Variants in ARRB1 observed in about 807,000 individuals in gnomAD.
ARRB1 encodes arrestin beta 1.
ARRB1 carries 21 observed loss-of-function variants against 56.8 expected under a neutral mutation model. That is an observed-to-expected ratio of 0.37 (90% confidence interval 0.26 to 0.53). The LOEUF (loss-of-function observed/expected upper bound fraction) is 0.53. Among genes scored for constraint, ARRB1 ranks in the 20% least tolerant of loss-of-function variants. The probability of loss-of-function intolerance (pLI) is 0.88; values close to 1 mark genes in which losing one functional copy is unlikely to be tolerated. For synonymous variants in ARRB1, 210 were observed against 218.6 expected, an observed-to-expected ratio of 0.96 and a Z score of 0.35; for missense variants, 424 against 553.7, an observed-to-expected ratio of 0.77 and a Z score of 2.35.
At chr11:75,349,825 C>T (rs1254244701) in intron 1 of ARRB1, among the ~76,000 whole-genome samples, 1 of 152,246 alleles carries the variant, frequency 6.6e-6, no homozygotes, top group Non-Finnish European at 1.5e-5. Context: ...ACAGCATGAT[C>T]TTCTGCCGTC....
At chr11:75,292,435 C>G (rs1946633183) in intron 1 of ARRB1, among the ~76,000 whole-genome samples, 1 of 152,200 alleles carries the variant, frequency 6.6e-6, no homozygotes, top group Non-Finnish European at 1.5e-5. Context: ...GCCACCGCGT[C>G]CAGCTTCCTT....
chr11:75,274,417 G>C, intron 10 of ARRB1: 1 of 582,510 alleles, frequency 1.7e-6, no homozygotes, highest in Non-Finnish European at 3.0e-6. Flanking sequence ...TACATTCTAC[G>C]CACAAACAGG....
At chr11:75,342,859 G>A (rs1947712003) in intron 1 of ARRB1, among the ~76,000 whole-genome samples, 1 of 152,210 alleles carries the variant, frequency 6.6e-6, no homozygotes, top group African/African-American at 2.4e-5. Flanking sequence ...AGCTCTGGTT[G>A]TCAGAAAATA....
intron 4 of ARRB1, 74 bp downstream of exon 4, chr11:75,284,161 G>A: frequency 6.9e-7 from 1 of 1,448,092 alleles, no homozygotes; most frequent in Middle Eastern, 2.0e-4. Context: ...GATGGGCAGG[G>A]AGTTCCTATG....
At chr11:75,347,179 G>C (rs924700656) in intron 1 of ARRB1, among the ~76,000 whole-genome samples, 1 of 152,278 alleles carries the variant, frequency 6.6e-6, no homozygotes, top group Non-Finnish European at 1.5e-5. Context: ...GGAAGGAAGA[G>C]AGCAGTGGAG....
chr11:75,280,980 C>A, intron 7 of ARRB1, 95 bp downstream of exon 7: 4 of 1,412,658 alleles, frequency 2.8e-6, no homozygotes, highest in Non-Finnish European at 2.0e-6. Context: ...TCCTCACACA[C>A]TTCCAGGTAT....
intron 1 of ARRB1, among the ~76,000 whole-genome samples, chr11:75,320,184 G>A (rs1947324321): frequency 6.6e-6 from 1 of 152,194 alleles, no homozygotes; most frequent in Admixed American, 6.5e-5. Flanking sequence ...CACTGGTGAA[G>A]AGGGCATTAA....
chr11:75,292,172 CT>C (rs1421201457), intron 1 of ARRB1, among the ~76,000 whole-genome samples: 3 of 152,158 alleles, frequency 2.0e-5, no homozygotes. Context: ...TGGAGTCTCG[CT>C]CTGTTGCCCA....
intron 1 of ARRB1, among the ~76,000 whole-genome samples, chr11:75,320,364 C>T (rs577766742): frequency 1.3e-5 from 2 of 152,342 alleles, no homozygotes; most frequent in African/African-American, 4.8e-5. Context: ...AAGAGCCAGA[C>T]ATGCAAACTC....
chr11:75,351,070 G>C (rs1305139720), intron 1 of ARRB1, among the ~76,000 whole-genome samples: 1 of 152,210 alleles, frequency 6.6e-6, no homozygotes, highest in Non-Finnish European at 1.5e-5. Context: ...GACAGTGTGC[G>C]TATCAGTGTA....
rs1945877911 is a variant in ARRB1, at chr11:75,264,990, CAAGAAAAG to C, written c.*1165_*1172del. ...GAGCTATTGGAGGTCATCAACTCAC[CAAGAAAAG>C]AAGGGGCTTATTTGCTACCCAGCAG... On this transcript the variant is annotated 3_prime_UTR_variant, in exon 16 of 16. Coordinates refer to ENST00000420843, the MANE Select transcript of ARRB1 (RefSeq NM_004041.5). 6.7e-6 allele frequency: 1 copy of C among 149,166 alleles called. No individual in the cohort carries two copies. Among genetic ancestry groups the C allele is most frequent in the Non-Finnish European group, 1.5e-5 (1 of 65,876 alleles). 9.2% of individuals were successfully genotyped at this position (149,166 alleles called of 1,614,324 possible).
chr11:75,332,101 A>ACCC (rs1305642480), intron 1 of ARRB1, among the ~76,000 whole-genome samples: 1 of 16,116 alleles, frequency 6.2e-5, no homozygotes, highest in East Asian at 1.2e-3. Context: ...CTACCTACCC[A>ACCC]AAATCCTGTA....
chr11:75,290,478 C>G (rs1447819298), intron 1 of ARRB1, among the ~76,000 whole-genome samples: 1 of 152,150 alleles, frequency 6.6e-6, no homozygotes, highest in Non-Finnish European at 1.5e-5. Context: ...GGGGACAGTT[C>G]TCTTCTGGGA....
chr11:75,283,208 C>A (rs377493539), intron 5 of ARRB1, 79 bp downstream of exon 5: 2 of 1,440,866 alleles, frequency 1.4e-6, no homozygotes, highest in East Asian at 2.3e-5. Context: ...TGACCCTCAC[C>A]GCCCTCTTAT....
At chr11:75,292,404 G>A (rs908235366) in intron 1 of ARRB1, among the ~76,000 whole-genome samples, 1 of 152,162 alleles carries the variant, frequency 6.6e-6, no homozygotes, top group Non-Finnish European at 1.5e-5. Flanking sequence ...GCCTCCCAAA[G>A]TGCTGGGATT....
chr11:75,289,364 C>A (rs1946552640), intron 2 of ARRB1, among the ~76,000 whole-genome samples: 2 of 152,342 alleles, frequency 1.3e-5, no homozygotes, highest in Middle Eastern at 6.8e-3. Context: ...GCCCACCAGG[C>A]TGGGTCCTGC....
At chr11:75,291,426 G>T (rs1323318516) in intron 1 of ARRB1, among the ~76,000 whole-genome samples, 1 of 152,178 alleles carries the variant, frequency 6.6e-6, no homozygotes, top group Non-Finnish European at 1.5e-5. Flanking sequence ...ATGAGTGAAG[G>T]AATCAACTGC....
intron 6 of ARRB1, 95 bp downstream of exon 6, chr11:75,281,867 G>A (rs1160387204): frequency 1.6e-6 from 2 of 1,272,074 alleles, no homozygotes; most frequent in Non-Finnish European, 2.3e-6. Flanking sequence ...AGGGAGAGTG[G>A]TCCTGTGTGT....
chr11:75,327,596 T>G (rs1947461020), intron 1 of ARRB1, among the ~76,000 whole-genome samples: 1 of 87,438 alleles, frequency 1.1e-5, no homozygotes, highest in African/African-American at 6.1e-5. Flanking sequence ...GTTTTTTGTT[T>G]TTGTTTTTTT....
Sources: gnomAD v4.1 joint callset for allele counts (sites outside exome capture counted in the v4.1 genomes callset) on GRCh38, gnomAD v4.1.1 for gene constraint, MANE v1.5 for transcripts, NCBI Gene and HGNC (gene_info 2026-07-23, HGNC 2026-07-21) for gene names.